The following LMNTD1 variants were observed in gnomAD, a reference collection of about 807,000 sequenced individuals.
LMNTD1 encodes the protein lamin tail domain-containing protein 1.
Under a neutral mutation model 50.9 loss-of-function variants are expected in LMNTD1, and 35 were observed. The ratio of observed to expected loss-of-function variants is 0.69; its 90% CI spans 0.53 to 0.91. The LOEUF (loss-of-function observed/expected upper bound fraction) is 0.91, where lower values mean the gene tolerates loss of function less well. Among genes scored for constraint, LMNTD1 ranks in the 40% least tolerant of loss-of-function variants. The probability of loss-of-function intolerance (pLI) is 0.00; values close to 1 mark genes in which losing one functional copy is unlikely to be tolerated. For synonymous variants in LMNTD1, 153 were observed against 161.9 expected, an observed-to-expected ratio of 0.94 and a Z score of 0.42; for missense variants, 470 against 475.5, an observed-to-expected ratio of 0.99 and a Z score of 0.11.
chr12:25,543,768 G>T (rs771465076), intron 4 of LMNTD1, among the ~76,000 whole-genome samples: 1 of 151,460 alleles, frequency 6.6e-6, no homozygotes, highest in Non-Finnish European at 1.5e-5. Flanking sequence ...GTGTCCCAGA[G>T]ATTTTGGTAT....
At chr12:25,569,104 C>T (rs765043637) in intron 1 of LMNTD1, among the ~76,000 whole-genome samples, 1 of 152,232 alleles carries the variant, frequency 6.6e-6, no homozygotes, top group Non-Finnish European at 1.5e-5. Context: ...GCCACAAGCA[C>T]TCAACTCCAA....
chr12:25,598,374 T>G (rs1275367804), intron 1 of LMNTD1, among the ~76,000 whole-genome samples: 1 of 151,724 alleles, frequency 6.6e-6, no homozygotes, highest in African/African-American at 2.4e-5. Flanking sequence ...GAGGGACCTT[T>G]TTAGCTATAA....
chr12:25,638,708 T>C (rs1291024917), intron 1 of LMNTD1, among the ~76,000 whole-genome samples: 2 of 152,108 alleles, frequency 1.3e-5, no homozygotes, highest in African/African-American at 4.8e-5. Context: ...ACACATTGCA[T>C]GTTGATAGAT....
At chr12:25,510,037 T>G (rs1365239126) in intron 8 of LMNTD1, among the ~76,000 whole-genome samples, 1 of 152,242 alleles carries the variant, frequency 6.6e-6, no homozygotes, top group Non-Finnish European at 1.5e-5. Context: ...ACAGTTGTCA[T>G]GTATTTAAAT....
intron 9 of LMNTD1, chr12:25,500,031 T>G (rs1314770280): frequency 6.6e-6 from 1 of 151,960 alleles, no homozygotes; most frequent in African/African-American, 2.4e-5. Context: ...TAACAAGAAG[T>G]GCACAGTGTA....
intron 9 of LMNTD1, among the ~76,000 whole-genome samples, chr12:25,493,699 G>T (rs141627029): frequency 2.0e-5 from 3 of 152,274 alleles, no homozygotes; most frequent in African/African-American, 7.2e-5. Flanking sequence ...GTAGTAATTG[G>T]TTGGCAATTT....
chr12:25,527,086 A>T, intron 4 of LMNTD1, 131 bp from the exon 5 acceptor site: 1 of 562,638 alleles, frequency 1.8e-6, no homozygotes, highest in South Asian at 3.1e-5. Context: ...AGTTCTATAT[A>T]GGAATAGTAT....
chr12:25,607,218 T>G (rs1387804609), intron 1 of LMNTD1, among the ~76,000 whole-genome samples: 1 of 152,220 alleles, frequency 6.6e-6, no homozygotes, highest in African/African-American at 2.4e-5. Context: ...TTGATTCTTC[T>G]CTCTTTTCTT....
intron 1 of LMNTD1, among the ~76,000 whole-genome samples, chr12:25,628,219 A>G (rs1263051616): frequency 6.7e-6 from 1 of 149,670 alleles, no homozygotes. Context: ...TCAGGTAGTT[A>G]GTTTTGATAA....
rs781742784 is a variant in LMNTD1 at position 25,519,586 on chromosome 12, T to TTAAAAAAAAAAAAAAAAA, written c.1016+271_1016+272insTTTTTTTTTTTTTTTTTA. 1.1e-3 allele frequency among the ~76,000 whole-genome samples: 83 copies of TTAAAAAAAAAAAAAAAAA among 74,932 alleles called. 2 individuals are homozygous for TTAAAAAAAAAAAAAAAAA. Among genetic ancestry groups the TTAAAAAAAAAAAAAAAAA allele is most frequent in the Non-Finnish European group, 1.4e-3 (60 of 43,074 alleles). 49.2% of individuals were successfully genotyped at this position (74,932 alleles called of 152,430 possible). ...CTGGGTGACAGAGCGAGACTCTGTC[T>TTAAAAAAAAAAAAAAAAA]CAAAAAAAAAAAAAAAAAAAAAGTG... is the stretch of plus-strand genomic sequence containing the variant. On this transcript the variant is annotated intron_variant, in intron 7 of 9. Coordinates refer to ENST00000458174, the MANE Select transcript of LMNTD1 (RefSeq NM_001145728.2).
chr12:25,638,949 C>T (rs1206149949), intron 1 of LMNTD1, among the ~76,000 whole-genome samples: 1 of 152,110 alleles, frequency 6.6e-6, no homozygotes, highest in African/African-American at 2.4e-5. Context: ...GAAATGTGGT[C>T]CTCTGGCAGT....
chr12:25,489,443 C>T (rs1185562176), intron 9 of LMNTD1, among the ~76,000 whole-genome samples: 3 of 150,346 alleles, frequency 2.0e-5, no homozygotes, highest in Admixed American at 1.3e-4. Flanking sequence ...CTCCCTGACC[C>T]CTTGCGCTTC....
chr12:25,510,994 G>T (rs1409200367), intron 8 of LMNTD1, among the ~76,000 whole-genome samples: 1 of 152,156 alleles, frequency 6.6e-6, no homozygotes, highest in Non-Finnish European at 1.5e-5. Context: ...AACTCATTTG[G>T]TGGGGACCAG....
intron 8 of LMNTD1, among the ~76,000 whole-genome samples, chr12:25,511,701 C>T (rs148790699): frequency 4.0e-4 from 61 of 152,214 alleles, no homozygotes; most frequent in African/African-American, 1.3e-3. Context: ...CAATTGTTGC[C>T]TCGTCAGTAT....
intron 9 of LMNTD1, among the ~76,000 whole-genome samples, chr12:25,498,565 T>A (rs961625492): frequency 2.0e-5 from 3 of 152,146 alleles, no homozygotes; most frequent in African/African-American, 7.2e-5. Context: ...ACTGTGGAAG[T>A]TGTAGACTTG....
At chr12:25,497,310 A>C (rs1024039587) in intron 9 of LMNTD1, among the ~76,000 whole-genome samples, 1 of 151,960 alleles carries the variant, frequency 6.6e-6, no homozygotes, top group Non-Finnish European at 1.5e-5. Flanking sequence ...CTGGTATTTC[A>C]ACGGCCGGCG....
intron 1 of LMNTD1, among the ~76,000 whole-genome samples, chr12:25,606,393 C>T (rs899028524): frequency 2.0e-5 from 3 of 152,044 alleles, no homozygotes; most frequent in African/African-American, 7.2e-5. Flanking sequence ...TGAGAGAGGG[C>T]ATCCCTGTCT....
chr12:25,535,513 G>A lies in LMNTD1; in HGVS notation c.492-8558C>T, dbSNP rs182625289. Among the ~76,000 whole-genome samples the A allele has an allele frequency of 1.3e-3, 202 of 152,006 alleles. 3 individuals are homozygous for A. Among genetic ancestry groups the A allele is most frequent in the South Asian group, 0.012 (57 of 4,828 alleles). ...GGAAATTTGAAGAAATTTACACCAGGCACATCATAATCAAATCTCCCAAAA... is the reference window on the plus strand; with the variant it reads ...GGAAATTTGAAGAAATTTACACCAGACACATCATAATCAAATCTCCCAAAA... On this transcript the variant is annotated intron_variant, in intron 4 of 9. Transcript: ENST00000458174.
chr12:25,496,029 T>C (rs1347310646), intron 9 of LMNTD1, among the ~76,000 whole-genome samples: 1 of 152,218 alleles, frequency 6.6e-6, no homozygotes, highest in Admixed American at 6.5e-5. Flanking sequence ...GAAATTTTCC[T>C]GAGATAACAC....
Sources: allele counts gnomAD v4.1 joint callset (sites outside exome capture counted in the v4.1 genomes callset), GRCh38; gene constraint gnomAD v4.1.1; transcripts MANE v1.5; gene names NCBI Gene and HGNC (gene_info 2026-07-23, HGNC 2026-07-21).